ANK3: variants seen among roughly 807,000 people sequenced by gnomAD.
ANK3 encodes the protein ankyrin-3.
Under a neutral mutation model 370.9 loss-of-function variants are expected in ANK3, and 57 were observed. The ratio of observed to expected loss-of-function variants is 0.15; its 90% CI spans 0.12 to 0.19. The LOEUF (loss-of-function observed/expected upper bound fraction) is 0.19. ANK3 is among the 10% of genes least tolerant of loss of function. The pLI is 1.00. For synonymous variants in ANK3, 1,929 were observed against 1,946.3 expected, an observed-to-expected ratio of 0.99 and a Z score of 0.23; for missense variants, 4,439 against 5,302.1, an observed-to-expected ratio of 0.84 and a Z score of 5.06.
chr10:60,544,779 A>G (rs1595246637), intron 2 of ANK3, among the ~76,000 whole-genome samples: 1 of 152,258 alleles, frequency 6.6e-6, no homozygotes, highest in East Asian at 1.9e-4. Flanking sequence ...AACCTAGGAC[A>G]GTTGAAGAAG....
intron 2 of ANK3, among the ~76,000 whole-genome samples, chr10:60,560,366 T>A (rs1396770530): frequency 1.3e-5 from 2 of 152,184 alleles, no homozygotes. Flanking sequence ...TAAGGACTAA[T>A]GTGTTGGTAT....
At chr10:60,128,568 A>G (rs972968482) in intron 25 of ANK3, among the ~76,000 whole-genome samples, 24 of 152,134 alleles carry the variant, frequency 1.6e-4, no homozygotes, top group Admixed American at 1.4e-3. Context: ...TTTAGTAGAG[A>G]CAGGGTTTCA....
chr10:60,314,012 G>C (rs1390714842), intron 1 of ANK3, among the ~76,000 whole-genome samples: 2 of 150,328 alleles, frequency 1.3e-5, no homozygotes, highest in African/African-American at 2.5e-5. Context: ...CTCCCTGCTA[G>C]AGTGTGCACT....
chr10:60,133,758 T>C (rs1433659626), intron 25 of ANK3, among the ~76,000 whole-genome samples: 2 of 152,016 alleles, frequency 1.3e-5, no homozygotes, highest in African/African-American at 4.8e-5. Context: ...CCGTCTCTAC[T>C]AAAAATACAA....
chr10:60,288,889 AACACACAC>A (rs35560146), intron 1 of ANK3, among the ~76,000 whole-genome samples: 21 of 139,324 alleles, frequency 1.5e-4, no homozygotes, highest in East Asian at 4.3e-4. Flanking sequence ...AGGTAGGAAT[AACACACAC>A]ACACACACAC....
At chr10:60,089,860 T>C (rs1418738333) in intron 28 of ANK3, among the ~76,000 whole-genome samples, 1 of 152,078 alleles carries the variant, frequency 6.6e-6, no homozygotes, top group African/African-American at 2.4e-5. Flanking sequence ...ATTTAAGTTA[T>C]ATTTAAATCA....
chr10:60,318,639 G>A (rs190806068), intron 1 of ANK3, among the ~76,000 whole-genome samples: 1 of 152,244 alleles, frequency 6.6e-6, no homozygotes, highest in Admixed American at 6.5e-5. Context: ...GTTTCTGCAT[G>A]AGGCCATTGG....
chr10:60,415,055 G>A (rs896201396), intron 2 of ANK3, among the ~76,000 whole-genome samples: 1 of 152,174 alleles, frequency 6.6e-6, no homozygotes, highest in African/African-American at 2.4e-5. Flanking sequence ...CATGCCAGAG[G>A]CTTTGGCTAT....
intron 2 of ANK3, among the ~76,000 whole-genome samples, chr10:60,538,148 C>A (rs1193844678): frequency 1.3e-5 from 2 of 151,578 alleles, no homozygotes; most frequent in Admixed American, 1.3e-4. Context: ...GTCATATGTC[C>A]CTTGATAGTT....
rs567340623 is a variant in ANK3 at position 60,431,845 on chromosome 10, A to G, written c.97-152206T>C. Among the ~76,000 whole-genome samples, 3 of 152,340 alleles carry G rather than the reference A, an allele frequency of 2.0e-5. No homozygotes were observed. In the East Asian group the frequency reaches 5.8e-4, roughly 29 times the overall value. On this transcript the variant is annotated intron_variant, in intron 2 of 43. Transcript: ENST00000373827. ...ACAACATCTAACACAAAAAGGTCCCACATTCAGCCATATACATCTAAACAA... is the reference window on the plus strand; with the variant it reads ...ACAACATCTAACACAAAAAGGTCCCGCATTCAGCCATATACATCTAAACAA...
At chr10:60,307,291 C>G (rs1487611542) in intron 1 of ANK3, among the ~76,000 whole-genome samples, 1 of 152,034 alleles carries the variant, frequency 6.6e-6, no homozygotes, top group African/African-American at 2.4e-5. Context: ...GATCTAGAAC[C>G]AGGAGTTTGG....
chr10:60,393,314 C>T (rs1425675984), upstream of ANK3, among the ~76,000 whole-genome samples: 3 of 152,156 alleles, frequency 2.0e-5, no homozygotes, highest in Non-Finnish European at 4.4e-5. Context: ...GTTTTCCCTG[C>T]TTGCAGCTTT....
intron 2 of ANK3, among the ~76,000 whole-genome samples, chr10:60,555,829 G>A (rs1025317174): frequency 2.6e-5 from 4 of 152,176 alleles, no homozygotes; most frequent in African/African-American, 4.8e-5. Context: ...GAATTTTCCC[G>A]TGTTGTCTGT....
rs763674723 is a variant in ANK3, at chr10:60,060,052, C to T, written c.12596-622G>A. The stretch of plus-strand genomic sequence containing the variant: ...GGACTGACTGGAATGAATTAGAATA[C>T]ATCAAACAAAAACACATGGAATGAC... On this transcript the variant is annotated intron_variant, in intron 40 of 43. Transcript: ENST00000280772. 3 of 1,434,638 alleles carry T rather than the reference C, an allele frequency of 2.1e-6. No homozygotes were observed. In the South Asian group the frequency reaches 4.5e-5, roughly 22 times the overall value. The allele number at this position is 1,434,638 out of a possible 1,614,324, so 88.9% of individuals were successfully genotyped here.
chr10:60,621,310 C>T (rs1157532904), intron 1 of ANK3, among the ~76,000 whole-genome samples: 1 of 152,170 alleles, frequency 6.6e-6, no homozygotes, highest in Admixed American at 6.6e-5. Flanking sequence ...TTATCTCACT[C>T]ATTTACATAA....
At chr10:60,137,374 G>GA (rs201151245) in intron 24 of ANK3, 8,134 of 163,964 alleles carry the variant, frequency 0.05, 118 homozygotes, top group South Asian at 0.11. Context: ...GTAATTTTAG[G>GA]AAAAAAAAAA....
chr10:60,389,317 A>T (rs181519844), intron 1 of ANK3, 108 bp downstream of exon 1: 745 of 1,048,366 alleles, frequency 7.1e-4, no homozygotes, highest in African/African-American at 4.3e-3. Flanking sequence ...CCCAATTTAC[A>T]CTCTACCCAG....
rs147255086 is a variant in ANK3 at position 60,068,968 on chromosome 10, A to G, written c.11913T>C (p.Thr3971=). ...TTTTTATTTT[T]TTTTTTTSCT... ...AGCTGGTGGTGGTGGTAGTGGTGGT[A>G]GTGGTGGTGGTGGTGGCAGTGGTGG... The change falls in exon 37 of 44, where the codon ACT becomes ACC. Residue 3971 remains threonine (T), a synonymous_variant. Transcript: ENST00000280772. 4.3e-6 allele frequency: 7 copies of G among 1,612,778 alleles called. No individual in the cohort carries two copies. The highest frequency in any genetic ancestry group is 5.9e-6 in the Non-Finnish European group (7 of 1,179,460).
intron 1 of ANK3, among the ~76,000 whole-genome samples, chr10:60,670,203 C>A (rs1240471984): frequency 6.6e-6 from 1 of 152,230 alleles, no homozygotes; most frequent in East Asian, 1.9e-4. Flanking sequence ...AAATGTACAT[C>A]CAATTGTTTA....
Sources: gnomAD v4.1 joint callset for allele counts (sites outside exome capture counted in the v4.1 genomes callset) on GRCh38, gnomAD v4.1.1 for gene constraint, MANE v1.5 for transcripts, NCBI Gene and HGNC (gene_info 2026-07-23, HGNC 2026-07-21) for gene names.